The following SGCZ variants were observed in gnomAD, a reference collection of about 807,000 sequenced individuals.
SGCZ encodes the protein zeta-sarcoglycan.
In SGCZ, 40 loss-of-function variants were observed where a neutral mutation model predicts 41.3. That is an observed-to-expected ratio of 0.97 (90% CI 0.75 to 1.26). SGCZ has a LOEUF of 1.26. SGCZ is among the 50% of genes most tolerant of loss of function. SGCZ has a pLI of 0.00. For missense variants in SGCZ, 552 were observed against 369.8 expected (o/e 1.49, Z -4.04); for synonymous variants, 206 against 137.5 (o/e 1.50, Z -3.49).
intron 2 of SGCZ, among the ~76,000 whole-genome samples, chr8:14,527,854 T>C (rs1803002597): frequency 6.6e-6 from 1 of 152,080 alleles, no homozygotes; most frequent in Non-Finnish European, 1.5e-5. Flanking sequence ...AGGTGATCAT[T>C]GTTGAGTTTC....
intron 1 of SGCZ, among the ~76,000 whole-genome samples, chr8:15,231,378 T>C (rs1285986276): frequency 1.3e-5 from 2 of 152,124 alleles, no homozygotes; most frequent in African/African-American, 2.4e-5. Context: ...ACATGTTGTT[T>C]AGGAGCCTCA....
chr8:14,817,328 T>C (rs1801938268), intron 1 of SGCZ, among the ~76,000 whole-genome samples: 1 of 151,974 alleles, frequency 6.6e-6, no homozygotes, highest in Non-Finnish European at 1.5e-5. Context: ...TGGTCATCAC[T>C]ACTGCCACAA....
chr8:14,505,546 T>C (rs900137958), intron 2 of SGCZ, among the ~76,000 whole-genome samples: 1 of 152,144 alleles, frequency 6.6e-6, no homozygotes, highest in African/African-American at 2.4e-5. Flanking sequence ...AAAATGCAAA[T>C]CACATAATCT....
intron 1 of SGCZ, among the ~76,000 whole-genome samples, chr8:15,049,612 G>A (rs961100016): frequency 8.5e-5 from 13 of 152,130 alleles, no homozygotes; most frequent in African/African-American, 2.4e-4. Flanking sequence ...GCCACCATGC[G>A]CAGCTAGGTA....
chr8:14,399,089 A>C (rs905783394), intron 2 of SGCZ, among the ~76,000 whole-genome samples: 1 of 152,076 alleles, frequency 6.6e-6, no homozygotes, highest in East Asian at 1.9e-4. Context: ...CGTGATCATT[A>C]TTATTTTGAG....
intron 1 of SGCZ, among the ~76,000 whole-genome samples, chr8:14,721,393 C>A (rs1426371940): frequency 1.3e-5 from 2 of 152,260 alleles, no homozygotes; most frequent in East Asian, 1.9e-4. Flanking sequence ...ATACCTGATT[C>A]GTGCTTTTAT....
intron 2 of SGCZ, among the ~76,000 whole-genome samples, chr8:14,468,854 C>A (rs1801128116): frequency 1.3e-5 from 2 of 152,048 alleles, no homozygotes; most frequent in Admixed American, 6.6e-5. Context: ...AGCTGCCCAT[C>A]ATCTAACAAA....
chr8:14,554,355 G>A (rs1803964917), intron 2 of SGCZ, among the ~76,000 whole-genome samples: 2 of 152,124 alleles, frequency 1.3e-5, no homozygotes, highest in African/African-American at 4.8e-5. Context: ...AGGCACATAT[G>A]ATTTATAAAA....
At chr8:14,309,869 G>A (rs925745271) in intron 3 of SGCZ, among the ~76,000 whole-genome samples, 22 of 150,338 alleles carry the variant, frequency 1.5e-4, no homozygotes, top group Non-Finnish European at 7.4e-5. Context: ...TCTTTTTTTG[G>A]CTAGAGTTTC....
chr8:14,871,305 A>G (rs572701975), intron 1 of SGCZ, among the ~76,000 whole-genome samples: 2 of 152,186 alleles, frequency 1.3e-5, no homozygotes, highest in Non-Finnish European at 2.9e-5. Flanking sequence ...AATTATTTCA[A>G]CCACTGTGAA....
chr8:15,040,001 A>T (rs2130975188), intron 1 of SGCZ, among the ~76,000 whole-genome samples: 1 of 152,346 alleles, frequency 6.6e-6, no homozygotes. Flanking sequence ...ATTTGCAAAA[A>T]AAGTTAATAA....
intron 1 of SGCZ, among the ~76,000 whole-genome samples, chr8:14,884,413 T>G (rs1804711598): frequency 6.6e-6 from 1 of 152,130 alleles, no homozygotes; most frequent in Non-Finnish European, 1.5e-5. Context: ...ATAAATGAAC[T>G]ATTTATTTAT....
chr8:15,231,323 C>T (rs1801931134), intron 1 of SGCZ, among the ~76,000 whole-genome samples: 1 of 152,146 alleles, frequency 6.6e-6, no homozygotes, highest in Non-Finnish European at 1.5e-5. Context: ...ATAAAGTTTT[C>T]TAAAATCTAA....
chr8:14,388,246 C>T (rs1804642149), intron 2 of SGCZ, among the ~76,000 whole-genome samples: 1 of 151,660 alleles, frequency 6.6e-6, no homozygotes, highest in African/African-American at 2.4e-5. Flanking sequence ...AGATCAAAGA[C>T]AAAATTTCAA....
intron 1 of SGCZ, among the ~76,000 whole-genome samples, chr8:14,616,010 G>A (rs184996784): frequency 1.1e-3 from 170 of 152,240 alleles, no homozygotes; most frequent in Non-Finnish European, 2.1e-3. Flanking sequence ...TGGGCTGGGC[G>A]CAGTGGCTCA....
chr8:14,504,173 T>C (rs1452213011), intron 2 of SGCZ, among the ~76,000 whole-genome samples: 2 of 152,234 alleles, frequency 1.3e-5, no homozygotes, highest in East Asian at 3.8e-4. Context: ...CTGAGATCTA[T>C]ATCTGCTACA....
At chr8:14,493,060 T>G (rs1452625571) in intron 2 of SGCZ, among the ~76,000 whole-genome samples, 2 of 152,138 alleles carry the variant, frequency 1.3e-5, no homozygotes, top group African/African-American at 4.8e-5. Context: ...CCAAAAAATG[T>G]TTCTCTTTTC....
intron 3 of SGCZ, chr8:14,309,417 C>T: frequency 6.2e-7 from 1 of 1,606,788 alleles, no homozygotes; most frequent in Middle Eastern, 2.3e-4. Flanking sequence ...TGGCTAGAGA[C>T]ACTTCTGTGC....
intron 5 of SGCZ, among the ~76,000 whole-genome samples, chr8:14,126,244 T>A (rs938368032): frequency 3.9e-5 from 6 of 152,176 alleles, no homozygotes; most frequent in Non-Finnish European, 7.3e-5. Context: ...GACAAATGTC[T>A]AACATCCCGA....
Sources: gnomAD v4.1 joint callset for allele counts (sites outside exome capture counted in the v4.1 genomes callset) on GRCh38, gnomAD v4.1.1 for gene constraint, MANE v1.5 for transcripts, NCBI Gene and HGNC (gene_info 2026-07-23, HGNC 2026-07-21) for gene names.